SRC: variants seen among roughly 807,000 people sequenced by gnomAD.
SRC encodes SRC proto-oncogene, non-receptor tyrosine kinase.
SRC carries 13 observed loss-of-function variants against 62.9 expected under a neutral mutation model. The ratio of observed to expected loss-of-function variants is 0.21; its 90% confidence interval spans 0.13 to 0.33. The LOEUF (loss-of-function observed/expected upper bound fraction) is 0.33. SRC is among the 10% of genes least tolerant of loss of function. SRC has a pLI of 1.00. For synonymous variants in SRC, 302 were observed against 317.5 expected (o/e 0.95, Z 0.52); for missense variants, 457 against 737.3 (o/e 0.62, Z 4.40).
chr20:37,400,695 T>C (rs1314493098), intron 10 of SRC, among the ~76,000 whole-genome samples: 1 of 152,188 alleles, frequency 6.6e-6, no homozygotes, highest in Non-Finnish European at 1.5e-5. Flanking sequence ...TAATTAGTTA[T>C]TTTTCAAAAT....
intron 2 of SRC, among the ~76,000 whole-genome samples, chr20:37,371,696 A>G (rs2070167928): frequency 6.6e-6 from 1 of 151,624 alleles, no homozygotes; most frequent in African/African-American, 2.4e-5. Context: ...TCTTATTTTT[A>G]TTTTTATTTA....
intron 5 of SRC, among the ~76,000 whole-genome samples, chr20:37,391,830 G>C (rs1394392650): frequency 2.6e-5 from 4 of 152,136 alleles, no homozygotes; most frequent in Non-Finnish European, 5.9e-5. Context: ...CTCCAGCCTG[G>C]GTGATAGAGC....
Position 37,384,334 on chromosome 20 carries a change from C to G in SRC, c.181C>G (p.Pro61Ala). ...GGCCTTCGCCCCCGCGGCCGCCGAG[C>G]CCAAGCTGTTCGGAGGCTTCAACTC... is the stretch of plus-strand genomic sequence containing the variant. ...SAAFAPAAAE[P>A]KLFGGFNSSD... Residue 61 changes from proline to alanine, a missense_variant, in exon 4 of 14, where the codon CCC becomes GCC. By Grantham distance (27) the Pro-to-Ala change is conservative. Around this residue, in one of 4 missense-constraint regions of SRC, gnomAD observed 132 missense variants for 135.4 expected, o/e 0.98. Coordinates refer to ENST00000373578, the MANE Select transcript of SRC (RefSeq NM_198291.3). This position sits in a 1 kb window ranked among gnomAD's most constrained non-coding sequence, Gnocchi z 6.7. 9.5e-6 allele frequency: 14 copies of G among 1,467,516 alleles called. No individual in the cohort carries two copies. Among genetic ancestry groups the G allele is most frequent in the Non-Finnish European group, 1.2e-5 (13 of 1,114,898 alleles). The allele number at this position is 1,467,516 out of a possible 1,614,324, so 90.9% of individuals were successfully genotyped here. A position where few individuals can be genotyped will look rare whatever the true frequency, so the allele number is the denominator to read the frequency against.
At chr20:37,365,686 A>G (rs1260515644) in intron 2 of SRC, among the ~76,000 whole-genome samples, 1 of 151,998 alleles carries the variant, frequency 6.6e-6, no homozygotes, top group Admixed American at 6.6e-5. Context: ...CTGGGCTCAA[A>G]CGATCCTCCC....
rs910515405 is a variant in SRC at position 37,383,904 on chromosome 20, T to C, written c.-4-246T>C. Among the ~76,000 whole-genome samples, 4 of 151,320 alleles carry C rather than the reference T, an allele frequency of 2.6e-5. No individual in the cohort carries two copies. The South Asian group carries it at 6.3e-4, about 24-fold the overall frequency. On this transcript the variant is annotated intron_variant, in intron 3 of 13. Coordinates refer to ENST00000373578, the MANE Select transcript of SRC (RefSeq NM_198291.3). ...GTGCCACCATGCCCGGCTAATTTTT[T>C]TTTTTTTTTCAAGTAGAGCCCGGGT...
At chr20:37,374,265 A>G (rs2070242385) in intron 2 of SRC, among the ~76,000 whole-genome samples, 2 of 151,964 alleles carry the variant, frequency 1.3e-5, no homozygotes, top group African/African-American at 4.8e-5. Context: ...TTTATAGTAG[A>G]GACGGGGTTT....
At chr20:37,379,942 T>TAAAAAAAAAAAAAAAAAAAAAAAAAAGA (rs57772720) in intron 2 of SRC, among the ~76,000 whole-genome samples, 1 of 51,468 alleles carries the variant, frequency 1.9e-5, no homozygotes, top group East Asian at 6.5e-4. Flanking sequence ...GAGCTTGGAG[T>TAAAAAAAAAAAAAAAAAAAAAAAAAAGA]AAAAAAAAAA....
chr20:37,363,822 A>C (rs2070017287), intron 1 of SRC, among the ~76,000 whole-genome samples: 1 of 152,086 alleles, frequency 6.6e-6, no homozygotes, highest in Non-Finnish European at 1.5e-5. Context: ...AGGGATTGTC[A>C]CTCGGCTGCT....
chr20:37,358,843 C>A (rs940856240), intron 1 of SRC, among the ~76,000 whole-genome samples: 3 of 152,266 alleles, frequency 2.0e-5, no homozygotes, highest in Non-Finnish European at 4.4e-5. Flanking sequence ...CCCGGCCTGC[C>A]GTCTCCACCC....
intron 6 of SRC, 32 bp from the exon 7 acceptor site, chr20:37,394,142 G>A (rs2070599191): frequency 6.2e-7 from 1 of 1,601,456 alleles, no homozygotes; most frequent in African/African-American, 1.3e-5. Flanking sequence ...AGCCTGGACA[G>A]TCAGCACCAT....
At chr20:37,373,268 G>GCGCA (rs1173897687) in intron 2 of SRC, among the ~76,000 whole-genome samples, 3 of 150,046 alleles carry the variant, frequency 2.0e-5, no homozygotes, top group South Asian at 4.3e-4. Context: ...ATGTACATAC[G>GCGCA]CACACACACA....
At chr20:37,365,389 C>T (rs1201466617) in intron 2 of SRC, 112 bp downstream of exon 2, 1 of 152,260 alleles carries the variant, frequency 6.6e-6, no homozygotes, top group South Asian at 2.1e-4. Flanking sequence ...AAAAGTAAGC[C>T]TCTCTCACAC....
chr20:37,360,417 T>A (rs1230098162), intron 1 of SRC, among the ~76,000 whole-genome samples: 1 of 152,006 alleles, frequency 6.6e-6, no homozygotes, highest in Admixed American at 6.6e-5. Flanking sequence ...TTTGTAGTGA[T>A]GAGGTCTCTC....
chr20:37,385,893 C>T (rs1455618255), intron 4 of SRC, among the ~76,000 whole-genome samples, 182 bp from the exon 5 acceptor site: 2 of 152,266 alleles, frequency 1.3e-5, no homozygotes, highest in African/African-American at 2.4e-5. Flanking sequence ...TGCAGGGATG[C>T]GCAGATACAC....
chr20:37,368,518 C>CTTTTTTTTTTTTTTGTTTTT (rs2070102489), intron 2 of SRC, among the ~76,000 whole-genome samples: 2 of 73,898 alleles, frequency 2.7e-5, no homozygotes, highest in African/African-American at 4.3e-5. Flanking sequence ...CCTATATTTT[C>CTTTTTTTTTTTTTTGTTTTT]TTTTTTTTTT....
rs80315020 is a variant in SRC at position 37,384,638 on chromosome 20, T to G, written c.250+235T>G. Among the ~76,000 whole-genome samples the G allele has an allele frequency of 1, 151,720 of 151,750 alleles. 75,845 individuals are homozygous for G. Among genetic ancestry groups the G allele is most frequent in the Middle Eastern group, 1 (288 of 288 alleles). ...AAGCGCAAAAGACACGGGGTGTGGT[T>G]AATGGGTTCTAATTGGACGCTTAAG... On this transcript the variant is annotated intron_variant, in intron 4 of 13. Coordinates refer to ENST00000373578, the MANE Select transcript of SRC (RefSeq NM_198291.3). The surrounding 1 kb of genome is among the most constrained non-coding windows in gnomAD (Gnocchi z 6.7).
chr20:37,394,916 G>A (rs986518855), intron 7 of SRC, among the ~76,000 whole-genome samples: 9 of 150,910 alleles, frequency 6.0e-5, no homozygotes, highest in Admixed American at 2.0e-4. Context: ...ACATCTGGGC[G>A]TGTGTGTGTG....
chr20:37,364,031 A>G (rs1050751075), intron 1 of SRC, among the ~76,000 whole-genome samples: 2 of 150,998 alleles, frequency 1.3e-5, no homozygotes, highest in Non-Finnish European at 3.0e-5. Flanking sequence ...CTGATACTAC[A>G]CCCACCACTG....
chr20:37,376,646 G>A (rs938942679), intron 2 of SRC, among the ~76,000 whole-genome samples: 22 of 152,338 alleles, frequency 1.4e-4, no homozygotes, highest in African/African-American at 5.3e-4. Flanking sequence ...TGGGATTACA[G>A]GCATGCGCCA....
Sources: allele counts gnomAD v4.1 joint callset (sites outside exome capture counted in the v4.1 genomes callset), GRCh38; gene constraint gnomAD v4.1.1; regional missense constraint gnomAD v4.1.1; non-coding constraint Gnocchi (gnomAD v3.1); transcripts MANE v1.5; gene names NCBI Gene and HGNC (gene_info 2026-07-23, HGNC 2026-07-21).